Variants in MTA1 observed in about 807,000 individuals in gnomAD.
MTA1 encodes the protein metastasis associated 1, also known as metastasis-associated protein MTA1.
MTA1 carries 15 observed loss-of-function variants against 97.0 expected under a neutral mutation model. The observed-to-expected ratio is 0.15, with a 90% CI of 0.10 to 0.24. The LOEUF is 0.24. Among genes scored for constraint, MTA1 ranks in the 10% least tolerant of loss-of-function variants. The pLI, the probability that MTA1 is intolerant of heterozygous loss-of-function variation, is 1.00. For missense variants in MTA1, 709 were observed against 1,015.1 expected (o/e 0.70, Z 4.10); for synonymous variants, 435 against 417.5 (o/e 1.04, Z -0.51).
chr14:105,453,550 C>T (rs1242328382), intron 6 of MTA1, among the ~76,000 whole-genome samples: 2 of 152,148 alleles, frequency 1.3e-5, no homozygotes, highest in African/African-American at 2.4e-5. Context: ...TGGCTGACGC[C>T]AGTAATTCCA....
chr14:105,441,722 A>T (rs781921235), intron 2 of MTA1, among the ~76,000 whole-genome samples: 2 of 152,178 alleles, frequency 1.3e-5, no homozygotes, highest in Non-Finnish European at 2.9e-5. Flanking sequence ...TGAACCCGGG[A>T]GGTGGAGCTT....
At chr14:105,440,023 C>T (rs1555425307) in intron 2 of MTA1, among the ~76,000 whole-genome samples, 1 of 152,208 alleles carries the variant, frequency 6.6e-6, no homozygotes, top group Admixed American at 6.5e-5. Context: ...TATCTGCCAC[C>T]ACCTGGGGCC....
Position 105,466,427 on chromosome 14 carries a change from G to GGGGGGGC in MTA1, c.1626_1627insGGGGGGC (p.Thr543GlyfsTer11). On this transcript the variant is annotated frameshift_variant and splice_region_variant, in exon 17 of 21. Transcript: ENST00000331320. LOFTEE classifies it high-confidence loss of function. Reference sequence around the variant, plus strand: ...TTCTGCCTGTGTCATTCCCGGCAGAGACCCACCCCCGCCCCCCCAAGCCTG... The same window carrying GGGGGGGC: ...TTCTGCCTGTGTCATTCCCGGCAGAGGGGGGGCACCCACCCCCGCCCCCCCAAGCCTG... 2 of 1,592,094 alleles carry GGGGGGGC rather than the reference G, an allele frequency of 1.3e-6. No individual in the cohort carries two copies. The highest frequency in any genetic ancestry group is 1.7e-4 in the Middle Eastern group (1 of 5,982).
intron 3 of MTA1, 88 bp downstream of exon 3, chr14:105,445,599 G>T: frequency 1.4e-6 from 2 of 1,389,808 alleles, no homozygotes; most frequent in African/African-American, 1.4e-5. Flanking sequence ...GGGCCCATCG[G>T]CATCCTGGCC....
chr14:105,450,828 C>G (rs2082898681), intron 6 of MTA1, among the ~76,000 whole-genome samples: 1 of 152,208 alleles, frequency 6.6e-6, no homozygotes, highest in Non-Finnish European at 1.5e-5. Context: ...AAAAATGTGT[C>G]CCGACAATGC....
intron 2 of MTA1, among the ~76,000 whole-genome samples, chr14:105,442,073 C>G (rs1463462951): frequency 6.6e-6 from 1 of 152,176 alleles, no homozygotes; most frequent in Non-Finnish European, 1.5e-5. Context: ...TCCATTGGTC[C>G]AACGTCCAGT....
chr14:105,454,220 G>T lies in MTA1; in HGVS notation c.460G>T (p.Asp154Tyr). Residue 154 changes from aspartate to tyrosine, a missense_variant, in exon 7 of 21, where the codon GAC (aspartate) becomes TAC (tyrosine). Asp to Tyr is a radical substitution (Grantham distance 160, BLOSUM62 -3). This residue lies in a region of MTA1 where 321 missense variants were observed against 593.5 expected (regional missense o/e 0.54). Coordinates refer to ENST00000331320, the MANE Select transcript of MTA1 (RefSeq NM_004689.4). ...TTTCTTCTTCTATTCTCTAGTCTAC[G>T]ACCCACAGCAGAAGACCCTGCTGGC... ...EDFFFYSLVYDPQQKTLLADK... is the reference protein window; with the variant it reads ...EDFFFYSLVYYPQQKTLLADK... 2 of 1,613,252 alleles carry T rather than the reference G, an allele frequency of 1.2e-6. No individual in the cohort carries two copies. The highest frequency in any genetic ancestry group is 2.2e-5 in the South Asian group (2 of 91,010).
In MTA1 at chr14:105,466,752, G is replaced by A; in HGVS notation, c.1813+10G>A. ...TTGATGCCCAGTAGGGGTAAGGCCT[G>A]GAGCCGCGGGCGGGCGCTGCGCCGG... On this transcript the variant is annotated intron_variant, in intron 18 of 20. Transcript: ENST00000331320. The A allele has an allele frequency of 1.3e-6, 2 of 1,573,808 alleles. No homozygotes were observed. Among genetic ancestry groups the A allele is most frequent in the Non-Finnish European group, 8.6e-7 (1 of 1,161,258 alleles).
rs1323249112 is a variant in MTA1 at position 105,466,898 on chromosome 14, A to G, written c.1813+156A>G. 4 of 739,296 alleles carry G rather than the reference A, an allele frequency of 5.4e-6. No individual in the cohort carries two copies. In the African/African-American group the frequency reaches 7.2e-5, roughly 13 times the overall value. 45.8% of individuals were successfully genotyped at this position (739,296 alleles called of 1,614,324 possible). A position where few individuals can be genotyped will look rare whatever the true frequency, so the allele number is the denominator to read the frequency against. On this transcript the variant is annotated intron_variant, in intron 18 of 20. Transcript: ENST00000331320. ...CCCAGTTCCCCACATTCCTCCCGAC[A>G]TCACTGGTCCCTTGGTGAAGACCCC...
At chr14:105,468,422 G>A in intron 18 of MTA1, 1 of 1,260,318 alleles carries the variant, frequency 7.9e-7, no homozygotes, top group Non-Finnish European at 1.1e-6. Flanking sequence ...CTGAGGTATG[G>A]CTGTTCCTGC....
intron 19 of MTA1, 65 bp downstream of exon 19, chr14:105,469,563 A>G: frequency 6.3e-7 from 1 of 1,578,536 alleles, no homozygotes; most frequent in Non-Finnish European, 8.7e-7. Context: ...GGTGTTGGGA[A>G]GAGGCCTGGC....
rs376378540 is a variant in MTA1 at position 105,434,193 on chromosome 14, C to T, written c.29-4479C>T. ...CCCTATGTAATATCCTTGGTGTGGC[C>T]TCTTGGCCTGCACAGCCTGGAGTAT... is the stretch of plus-strand genomic sequence containing the variant. On this transcript the variant is annotated intron_variant, in intron 1 of 20. Coordinates refer to ENST00000331320, the MANE Select transcript of MTA1 (RefSeq NM_004689.4). Among the ~76,000 whole-genome samples the T allele has an allele frequency of 7.2e-5, 11 of 152,258 alleles. No individual in the cohort carries two copies. The East Asian group carries it at 2.1e-3, about 29-fold the overall frequency.
At chr14:105,429,821 A>G (rs1349074000) in intron 1 of MTA1, among the ~76,000 whole-genome samples, 2 of 120,366 alleles carry the variant, frequency 1.7e-5, no homozygotes, top group Non-Finnish European at 3.2e-5. Flanking sequence ...CAGTGGTGCG[A>G]TCTTGGCTCA....
intron 6 of MTA1, 114 bp downstream of exon 6, chr14:105,450,438 C>G (rs2082879773): frequency 1.7e-6 from 2 of 1,208,470 alleles, no homozygotes; most frequent in Non-Finnish European, 2.3e-6. Context: ...CCCTCTAGGC[C>G]CAGGCTGTTC....
chr14:105,466,135 C>T, intron 16 of MTA1: 1 of 494,578 alleles, frequency 2.0e-6, no homozygotes, highest in East Asian at 3.8e-5. Context: ...GTGTATGGAT[C>T]CTGTTGTCCC....
rs1401245792 is a variant in MTA1 at position 105,420,386 on chromosome 14, C to T, written c.28+323C>T. Among the ~76,000 whole-genome samples, 1 of 151,904 alleles carries T rather than the reference C, an allele frequency of 6.6e-6. No individual in the cohort carries two copies. Among genetic ancestry groups the T allele is most frequent in the Non-Finnish European group, 1.5e-5 (1 of 67,914 alleles). ...TCCGGGGGTCCGGGGCCGGGAGCCC[C>T]CAGCGGGAGCACGTGGCCTTGGGAG... On this transcript the variant is annotated intron_variant, in intron 1 of 20. Transcript: ENST00000331320. This position sits in a 1 kb window ranked among gnomAD's most constrained non-coding sequence, Gnocchi z 5.3.
intron 16 of MTA1, 189 bp downstream of exon 16, chr14:105,465,372 G>T: frequency 2.3e-6 from 1 of 426,650 alleles, no homozygotes; most frequent in Non-Finnish European, 4.1e-6. Context: ...GACCCAGGCT[G>T]CTCCCTGCTC....
rs907584828 is a variant in MTA1 at position 105,455,756 on chromosome 14, G to T, written c.550+1446G>T. On this transcript the variant is annotated intron_variant, in intron 7 of 20. Transcript: ENST00000331320. ...AGCTGTGGGCTCCAGCATTGGGCTC[G>T]TGGGCCTGCTACATTGCAAGCATCT... is the stretch of plus-strand genomic sequence containing the variant. Among the ~76,000 whole-genome samples, 3 of 152,308 alleles carry T rather than the reference G, an allele frequency of 2.0e-5. No individual in the cohort carries two copies. The East Asian group carries it at 5.8e-4, about 29-fold the overall frequency.
intron 6 of MTA1, among the ~76,000 whole-genome samples, 181 bp from the exon 7 acceptor site, chr14:105,454,012 C>T (rs1383547565): frequency 2.0e-5 from 3 of 152,176 alleles, no homozygotes; most frequent in African/African-American, 7.2e-5. Context: ...GCTGTAGGCT[C>T]CTCCCAGGCA....
Sources: allele counts gnomAD v4.1 joint callset (sites outside exome capture counted in the v4.1 genomes callset), GRCh38; gene constraint gnomAD v4.1.1; regional missense constraint gnomAD v4.1.1; non-coding constraint Gnocchi (gnomAD v3.1); transcripts MANE v1.5; gene names NCBI Gene and HGNC (gene_info 2026-07-23, HGNC 2026-07-21).